The following CCDC13 variants were observed in gnomAD, a reference collection of about 807,000 sequenced individuals.
CCDC13 encodes the protein coiled-coil domain-containing protein 13.
A neutral mutation model predicts 87.3 loss-of-function variants in CCDC13; 70 were observed. The observed-to-expected ratio is 0.80, with a 90% CI of 0.66 to 0.98. The LOEUF (loss-of-function observed/expected upper bound fraction) is 0.98, where lower values mean the gene tolerates loss of function less well. CCDC13 is among the 50% of genes least tolerant of loss of function. The pLI is 0.00. For missense variants in CCDC13, 842 were observed against 892.0 expected (o/e 0.94, Z 0.71); for synonymous variants, 317 against 360.3 (o/e 0.88, Z 1.36).
At chr3:42,710,512 G>C (rs1489652654) in intron 14 of CCDC13, among the ~76,000 whole-genome samples, 1 of 152,176 alleles carries the variant, frequency 6.6e-6, no homozygotes, top group Non-Finnish European at 1.5e-5. Context: ...AGGGGATCCA[G>C]GGTCCTGGAG....
At chr3:42,733,643 C>A in intron 10 of CCDC13, 34 bp from the exon 11 acceptor site, 1 of 1,567,314 alleles carries the variant, frequency 6.4e-7, no homozygotes, top group Non-Finnish European at 8.6e-7. Context: ...ATCCTCAGGG[C>A]TTTGGCTCAG....
intron 13 of CCDC13, among the ~76,000 whole-genome samples, chr3:42,729,608 C>T (rs558601718): frequency 2.0e-5 from 3 of 152,326 alleles, no homozygotes; most frequent in Non-Finnish European, 2.9e-5. Flanking sequence ...CCCATGGGCA[C>T]AAGAGCTAAA....
rs1575317555 is a variant in CCDC13 at position 42,747,265 on chromosome 3, C to T, written c.712G>A (p.Ala238Thr). 1.2e-6 allele frequency: 2 copies of T among 1,613,552 alleles called. No homozygotes were observed. The highest frequency in any genetic ancestry group is 2.2e-5 in the East Asian group (1 of 44,884). The change falls in exon 6 of 16, where the codon GCA (alanine) becomes ACA (threonine). Residue 238 changes from alanine to threonine, a missense_variant. By Grantham distance (58) the Ala-to-Thr change is moderately conservative. Transcript: ENST00000310232. ...CCCTGGCTCTGAAAGACCTTCTGTG[C>T]CATCCGCAGCTCCTGCTTCACAGAC... ...IQSVKQELRM[A>T]QKVLAREVGE...
At chr3:42,734,704 C>T (rs377146180) in intron 10 of CCDC13, among the ~76,000 whole-genome samples, 1 of 152,338 alleles carries the variant, frequency 6.6e-6, no homozygotes, top group African/African-American at 2.4e-5. Flanking sequence ...ATGCCTTTGG[C>T]TGAGCCAGTC....
intron 8 of CCDC13, among the ~76,000 whole-genome samples, chr3:42,741,535 G>C (rs1250966996): frequency 6.6e-6 from 1 of 152,150 alleles, no homozygotes; most frequent in African/African-American, 2.4e-5. Context: ...TTAGGAATTT[G>C]AGACCAGCCT....
At chr3:42,736,009 G>T in intron 9 of CCDC13, 96 bp from the exon 10 acceptor site, 2 of 1,170,102 alleles carry the variant, frequency 1.7e-6, no homozygotes, top group Non-Finnish European at 2.4e-6. Flanking sequence ...AAAGCAGGCT[G>T]CAGGAACCTA....
chr3:42,718,618 A>G (rs1242570856), intron 13 of CCDC13, among the ~76,000 whole-genome samples: 1 of 152,122 alleles, frequency 6.6e-6, no homozygotes. Context: ...TGAAGGGACT[A>G]AAGTGAGGAA....
At chr3:42,739,572 TG>T in intron 9 of CCDC13, 61 bp downstream of exon 9, 1 of 1,552,772 alleles carries the variant, frequency 6.4e-7, no homozygotes, top group East Asian at 2.2e-5. Flanking sequence ...TGGCCATGGC[TG>T]GGGCCCATCC....
chr3:42,756,727 C>T (rs749930947), intron 3 of CCDC13, among the ~76,000 whole-genome samples: 37 of 152,086 alleles, frequency 2.4e-4, no homozygotes, highest in Admixed American at 1.4e-3. Flanking sequence ...AGAAATGGAT[C>T]CTGCCAGCCC....
At chr3:42,743,260 G>A (rs532019842) in intron 7 of CCDC13, among the ~76,000 whole-genome samples, 3 of 152,150 alleles carry the variant, frequency 2.0e-5, no homozygotes, top group Non-Finnish European at 4.4e-5. Flanking sequence ...GGAAAGTTCA[G>A]CTTAGAAAAA....
chr3:42,715,920 A>G (rs12487729), intron 13 of CCDC13, among the ~76,000 whole-genome samples: 75,940 of 152,046 alleles, frequency 0.5, 19,269 homozygotes, highest in African/African-American at 0.6. Flanking sequence ...CTTCCCAGCC[A>G]CCAGAGCTGT....
At chr3:42,710,850 C>G (rs1180246437) in intron 14 of CCDC13, among the ~76,000 whole-genome samples, 2 of 152,112 alleles carry the variant, frequency 1.3e-5, no homozygotes, top group Admixed American at 6.5e-5. Flanking sequence ...TTGGCTTATT[C>G]CACGCATTGA....
At chr3:42,715,021 G>A (rs781083482) in intron 13 of CCDC13, among the ~76,000 whole-genome samples, 1 of 152,116 alleles carries the variant, frequency 6.6e-6, no homozygotes, top group African/African-American at 2.4e-5. Flanking sequence ...GCTGGGCCCG[G>A]GGTCCCACAC....
chr3:42,709,831 A>C (rs887489160), intron 14 of CCDC13, 33 bp from the exon 15 acceptor site: 12 of 1,518,902 alleles, frequency 7.9e-6, no homozygotes, highest in Non-Finnish European at 1.1e-5. Context: ...TTCTGTGAGG[A>C]GGCCACAGCC....
At chr3:42,759,369 T>G (rs1033874713) in intron 1 of CCDC13, among the ~76,000 whole-genome samples, 2 of 152,114 alleles carry the variant, frequency 1.3e-5, no homozygotes, top group Non-Finnish European at 2.9e-5. Context: ...TATTCACTTG[T>G]GTAAACCACC....
chr3:42,771,757 TACA>T (rs1289953670), intron 1 of CCDC13, among the ~76,000 whole-genome samples: 2 of 146,256 alleles, frequency 1.4e-5, no homozygotes, highest in Non-Finnish European at 3.1e-5. Context: ...CCTGTCTCAA[TACA>T]GCAGCAGCAA....
chr3:42,766,464 C>T (rs754525500), intron 1 of CCDC13, among the ~76,000 whole-genome samples: 16 of 151,828 alleles, frequency 1.1e-4, no homozygotes, highest in Non-Finnish European at 1.9e-4. Flanking sequence ...CTAAAAACAG[C>T]GAGTTTTGCA....
intron 1 of CCDC13, among the ~76,000 whole-genome samples, chr3:42,769,664 G>A (rs1346546338): frequency 1.3e-5 from 2 of 152,268 alleles, no homozygotes; most frequent in Non-Finnish European, 2.9e-5. Context: ...CCCTCTCTGG[G>A]CTGGCCAAGG....
intron 1 of CCDC13, among the ~76,000 whole-genome samples, chr3:42,771,810 T>C (rs1700120127): frequency 6.6e-6 from 1 of 152,124 alleles, no homozygotes; most frequent in Admixed American, 6.5e-5. Context: ...CTATGGACTT[T>C]AGTTAGTAAT....
Sources: gnomAD v4.1 joint callset for allele counts (sites outside exome capture counted in the v4.1 genomes callset) on GRCh38, gnomAD v4.1.1 for gene constraint, MANE v1.5 for transcripts, NCBI Gene and HGNC (gene_info 2026-07-23, HGNC 2026-07-21) for gene names.